The following ABHD12 variants were observed in gnomAD, a reference collection of about 807,000 sequenced individuals.
The protein encoded by ABHD12 is lysophosphatidylserine lipase ABHD12.
ABHD12 carries 43 observed loss-of-function variants against 58.3 expected under a neutral mutation model. The observed-to-expected ratio is 0.74, with a 90% confidence interval of 0.58 to 0.95. The LOEUF (loss-of-function observed/expected upper bound fraction) is 0.95, where lower values mean the gene tolerates loss of function less well. ABHD12 is among the 40% of genes least tolerant of loss of function. The pLI is 0.00. For synonymous variants in ABHD12, 219 were observed against 211.2 expected (o/e 1.04, Z -0.32); for missense variants, 539 against 537.2 (o/e 1.00, Z -0.03).
chr20:25,337,474 T>C (rs969925179), intron 2 of ABHD12, among the ~76,000 whole-genome samples: 6 of 152,160 alleles, frequency 3.9e-5, no homozygotes, highest in African/African-American at 1.4e-4. Flanking sequence ...ACCACCTCCT[T>C]AGGAAACCCA....
chr20:25,350,598 T>C (rs549668239), intron 1 of ABHD12, among the ~76,000 whole-genome samples: 1 of 152,310 alleles, frequency 6.6e-6, no homozygotes, highest in African/African-American at 2.4e-5. Context: ...CCATTAAATC[T>C]TTTTCCTTTA....
At chr20:25,347,499 T>C (rs1328016856) in intron 1 of ABHD12, among the ~76,000 whole-genome samples, 1 of 152,160 alleles carries the variant, frequency 6.6e-6, no homozygotes, top group African/African-American at 2.4e-5. Context: ...ATTTATTTTT[T>C]CTAGATTCCA....
rs1377556933 is a variant in ABHD12, at chr20:25,390,810, C to A, written c.-107G>T. 1 of 725,758 alleles carries A rather than the reference C, an allele frequency of 1.4e-6. No individual in the cohort carries two copies. The highest frequency in any genetic ancestry group is 1.8e-6 in the Non-Finnish European group (1 of 543,414). The allele number at this position is 725,758 out of a possible 1,614,324, so 45.0% of individuals were successfully genotyped here. A position where few individuals can be genotyped will look rare whatever the true frequency, so the allele number is the denominator to read the frequency against. On this transcript the variant is annotated 5_prime_UTR_variant, in exon 1 of 13. Coordinates refer to ENST00000339157, the MANE Select transcript of ABHD12 (RefSeq NM_001042472.3). ...AGCCCGGAGCCCGGAACCCGCCGCT[C>A]CTCACATCCCAGCCCAGGCCGCTGC...
At chr20:25,325,203 C>CAAA (rs376306392) in intron 2 of ABHD12, among the ~76,000 whole-genome samples, 5 of 76,458 alleles carry the variant, frequency 6.5e-5, no homozygotes, top group African/African-American at 1.5e-4. Flanking sequence ...GACCCTGTTT[C>CAAA]AAAAAAAAAA....
chr20:25,356,690 T>TGTGGCAGAGTGGCAG (rs1443052924), intron 1 of ABHD12, among the ~76,000 whole-genome samples: 2 of 152,192 alleles, frequency 1.3e-5, no homozygotes, highest in Non-Finnish European at 2.9e-5. Context: ...CCAGGAGCAC[T>TGTGGCAGAGTGGCAG]GTGGCAGAGT....
In ABHD12 at chr20:25,300,856, G is replaced by A. The variant is rs775599343; in HGVS notation, c.1186C>T (p.His396Tyr). Residue 396 changes from histidine to tyrosine, a missense_variant, in exon 13 of 13, where the codon CAC (histidine) becomes TAC (tyrosine). His to Tyr is a moderately conservative substitution (Grantham distance 83, BLOSUM62 2). Transcript: ENST00000339157. ...TCCCACGGCCAGGCTCAGTGCTGGT[G>A]CTCAGGCTCCGACTTCCCCAGGAAT... is the stretch of plus-strand genomic sequence containing the variant. ...REFLGKSEPE[H>Y]QH 3 of 1,614,070 alleles carry A rather than the reference G, an allele frequency of 1.9e-6. No individual in the cohort carries two copies. In the East Asian group the frequency reaches 6.7e-5, roughly 36 times the overall value.
At chr20:25,302,448 A>C (rs1368363497) in intron 11 of ABHD12, 102 bp from the exon 12 acceptor site, 3 of 1,471,332 alleles carry the variant, frequency 2.0e-6, no homozygotes, top group Non-Finnish European at 2.8e-6. Flanking sequence ...AAACCAGTCC[A>C]GAGTCCCACA....
At chr20:25,334,970 T>A (rs549229551) in intron 2 of ABHD12, among the ~76,000 whole-genome samples, 3 of 152,008 alleles carry the variant, frequency 2.0e-5, no homozygotes, top group Admixed American at 2.0e-4. Context: ...CTAATTTAAC[T>A]AAAGAGCTTC....
At chr20:25,372,934 G>C (rs2089916547) in intron 1 of ABHD12, among the ~76,000 whole-genome samples, 1 of 152,148 alleles carries the variant, frequency 6.6e-6, no homozygotes, top group South Asian at 2.1e-4. Context: ...GCCCTATACT[G>C]TACTGTTTTT....
At chr20:25,296,393 G>C, downstream of ABHD12, 1 of 1,614,078 alleles carries the variant, frequency 6.2e-7, no homozygotes, top group Non-Finnish European at 8.5e-7. Flanking sequence ...GGACCAAGAA[G>C]GTCATCAGGA....
At chr20:25,372,130 G>A (rs1024559187) in intron 1 of ABHD12, among the ~76,000 whole-genome samples, 1 of 151,978 alleles carries the variant, frequency 6.6e-6, no homozygotes, top group African/African-American at 2.4e-5. Flanking sequence ...ATCTCCCAAA[G>A]TGCTGGGATT....
At chr20:25,349,266 G>A (rs2089566237) in intron 1 of ABHD12, among the ~76,000 whole-genome samples, 1 of 152,102 alleles carries the variant, frequency 6.6e-6, no homozygotes, top group Non-Finnish European at 1.5e-5. Context: ...ACACATGCTG[G>A]GAGTATAAAA....
chr20:25,327,824 C>T (rs1288815732), intron 2 of ABHD12, among the ~76,000 whole-genome samples: 1 of 152,142 alleles, frequency 6.6e-6, no homozygotes, highest in Non-Finnish European at 1.5e-5. Flanking sequence ...TATTGTAAAA[C>T]CTAAGACCAG....
intron 1 of ABHD12, among the ~76,000 whole-genome samples, chr20:25,359,423 CAA>C (rs565367954): frequency 3.2e-5 from 2 of 63,128 alleles, no homozygotes; most frequent in Non-Finnish European, 3.9e-5. Flanking sequence ...GACTCCGTCT[CAA>C]AAAAAAAAAA....
intron 1 of ABHD12, among the ~76,000 whole-genome samples, chr20:25,359,657 T>C (rs146111420): frequency 0.015 from 2,262 of 151,544 alleles, 51 homozygotes; most frequent in African/African-American, 0.046. Flanking sequence ...GCAACCTCCA[T>C]CTCCCAGGTT....
chr20:25,339,199 A>G (rs764615285), intron 2 of ABHD12, 28 bp downstream of exon 2: 2 of 1,613,650 alleles, frequency 1.2e-6, no homozygotes, highest in Non-Finnish European at 1.7e-6. Context: ...TACTAAAATT[A>G]AAGGAAAAAT....
At chr20:25,350,826 A>G (rs1600838374) in intron 1 of ABHD12, among the ~76,000 whole-genome samples, 1 of 152,256 alleles carries the variant, frequency 6.6e-6, no homozygotes, top group African/African-American at 2.4e-5. Flanking sequence ...GCAGAACTTT[A>G]TGACAGTCAG....
chr20:25,295,801 G>A, downstream of ABHD12: 1 of 1,019,410 alleles, frequency 9.8e-7, no homozygotes, highest in South Asian at 1.4e-5. Flanking sequence ...ATTCTGATCT[G>A]TCATCAGTCG....
At chr20:25,309,620 C>T (rs373372025) in intron 6 of ABHD12, 45 bp from the exon 7 acceptor site, 6 of 1,611,678 alleles carry the variant, frequency 3.7e-6, no homozygotes, top group Admixed American at 1.7e-5. Context: ...AGGCAGCTCA[C>T]AAAACCTGGA....
Sources: gnomAD v4.1 joint callset for allele counts (sites outside exome capture counted in the v4.1 genomes callset) on GRCh38, gnomAD v4.1.1 for gene constraint, MANE v1.5 for transcripts, NCBI Gene and HGNC (gene_info 2026-07-23, HGNC 2026-07-21) for gene names.